The following SLC25A34 variants were observed in gnomAD, a reference collection of about 807,000 sequenced individuals.
SLC25A34 encodes solute carrier family 25 member 34.
A neutral mutation model predicts 28.1 loss-of-function variants in SLC25A34; 26 were observed. The observed-to-expected ratio is 0.93, with a 90% CI of 0.68 to 1.28. The LOEUF is 1.28. Ranked by LOEUF, SLC25A34 falls within the 50% of genes most tolerant of loss-of-function variation. The pLI is 0.00. For missense variants in SLC25A34, 384 were observed against 409.8 expected (o/e 0.94, Z 0.54); for synonymous variants, 182 against 182.2 (o/e 1.00, Z 0.01).
rs971245056 is a variant in SLC25A34 at position 15,739,493 on chromosome 1, C to T, written c.*87C>T. On this transcript the variant is annotated 3_prime_UTR_variant, in exon 5 of 5. Transcript: ENST00000294454. ...TCCAGGACAACTGGCTGTCCCGGGG[C>T]GGGCCATGGGCCCAGGCCCTGCCAG... 1.2e-5 allele frequency: 18 copies of T among 1,442,680 alleles called. No homozygotes were observed. Among genetic ancestry groups the T allele is most frequent in the Middle Eastern group, 2.6e-4 (1 of 3,850 alleles). The allele number at this position is 1,442,680 out of a possible 1,614,324, so 89.4% of individuals were successfully genotyped here.
rs1159302226 is a variant in SLC25A34, at chr1:15,736,505, C to G, written c.20C>G (p.Ala7Gly). The change falls in exon 1 of 5, where the codon GCA becomes GGA. Residue 7 changes from alanine to glycine, a missense_variant. Physicochemically the swap from Ala to Gly is moderately conservative, Grantham distance 60. Transcript: ENST00000294454. ...GAGGCCATGGAGACGGTGCCCCCAG[C>G]AGTGGACCTGGTGCTGGGTGCTTCT... Reference protein sequence around the residue: METVPPAVDLVLGASAC... With the variant: METVPPGVDLVLGASAC... 4 of 1,454,304 alleles carry G rather than the reference C, an allele frequency of 2.8e-6. No homozygotes were observed. Among genetic ancestry groups the G allele is most frequent in the Non-Finnish European group, 3.6e-6 (4 of 1,104,594 alleles). The allele number at this position is 1,454,304 out of a possible 1,614,324, so 90.1% of individuals were successfully genotyped here.
At chr1:15,737,736 C>T (rs2148389217) in intron 1 of SLC25A34, 193 bp from the exon 2 acceptor site, 2 of 607,936 alleles carry the variant, frequency 3.3e-6, no homozygotes, top group South Asian at 4.0e-5. Flanking sequence ...CTCCAAGTCA[C>T]ACTGAGACGC....
At chr1:15,737,592 G>A (rs867503224) in intron 1 of SLC25A34, among the ~76,000 whole-genome samples, 72 of 149,356 alleles carry the variant, frequency 4.8e-4, no homozygotes, top group African/African-American at 1.7e-3. Context: ...AGGAAAGAAA[G>A]AAAAAAAAAG....
chr1:15,736,989 C>T, intron 1 of SLC25A34, 126 bp downstream of exon 1: 1 of 1,271,066 alleles, frequency 7.9e-7, no homozygotes. Context: ...GGTGGGGCTG[C>T]TCCCTGGAAC....
At position 15,740,543 on chromosome 1, in the gene SLC25A34, GC is replaced by G. The variant is rs1443542450; in HGVS notation, c.*1138del. 6.6e-6 allele frequency: 1 copy of G among 152,324 alleles called. No individual in the cohort carries two copies. Among genetic ancestry groups the G allele is most frequent in the Non-Finnish European group, 1.5e-5 (1 of 68,158 alleles). The allele number at this position is 152,324 out of a possible 1,614,324, so 9.4% of individuals were successfully genotyped here. A position where few individuals can be genotyped will look rare whatever the true frequency, so the allele number is the denominator to read the frequency against. On this transcript the variant is annotated 3_prime_UTR_variant, in exon 5 of 5. Coordinates refer to ENST00000294454, the MANE Select transcript of SLC25A34 (RefSeq NM_207348.3). ...TCCACTGGCCTTGGCCTCCCAAAGT[GC>G]TGGGATTACAGGCATGAGCCACCTC...
intron 4 of SLC25A34, 111 bp downstream of exon 4, chr1:15,738,839 G>C (rs1044508957): frequency 1.5e-6 from 2 of 1,327,096 alleles, no homozygotes; most frequent in Non-Finnish European, 9.8e-7. Flanking sequence ...CACAGCCAGA[G>C]ACACGCAGAC....
intron 1 of SLC25A34, 129 bp downstream of exon 1, chr1:15,736,992 C>G: frequency 8.0e-7 from 1 of 1,250,618 alleles, no homozygotes; most frequent in Non-Finnish European, 1.1e-6. Flanking sequence ...GGGGCTGCTC[C>G]CTGGAACATC....
At chr1:15,738,795 C>G in intron 4 of SLC25A34, 67 bp downstream of exon 4, 1 of 1,447,706 alleles carries the variant, frequency 6.9e-7, no homozygotes, top group Non-Finnish European at 9.1e-7. Context: ...CACACACACA[C>G]ACACACACTC....
At position 15,739,248 on chromosome 1, in the gene SLC25A34, G is replaced by A. The variant is rs534115268; in HGVS notation, c.757G>A (p.Asp253Asn). 28 of 1,612,448 alleles carry A rather than the reference G, an allele frequency of 1.7e-5. No homozygotes were observed. In the South Asian group the frequency reaches 1.8e-4, roughly 10 times the overall value. The change falls in exon 5 of 5, where the codon GAC becomes AAC. Residue 253 changes from aspartate (D) to asparagine (N), a missense_variant. Coordinates refer to ENST00000294454, the MANE Select transcript of SLC25A34 (RefSeq NM_207348.3). ...GGGCCAGCTCTATGGGGGCCTCACC[G>A]ACTGCATGGTGAAGATCTGGCGGCA... ...GRGQLYGGLT[D>N]CMVKIWRQEG...
At chr1:15,738,925 T>A in intron 4 of SLC25A34, 197 bp downstream of exon 4, 1 of 673,638 alleles carries the variant, frequency 1.5e-6, no homozygotes, top group East Asian at 3.2e-5. Context: ...CTAAGCACTT[T>A]CACATCTGGA....
In SLC25A34 at chr1:15,736,448, C is replaced by T; in HGVS notation, c.-38C>T. The T allele has an allele frequency of 2.8e-6, 4 of 1,417,616 alleles. No homozygotes were observed. Among genetic ancestry groups the T allele is most frequent in the Middle Eastern group, 2.6e-4 (1 of 3,808 alleles). 87.8% of individuals were successfully genotyped at this position (1,417,616 alleles called of 1,614,324 possible). On this transcript the variant is annotated 5_prime_UTR_variant, in exon 1 of 5. Coordinates refer to ENST00000294454, the MANE Select transcript of SLC25A34 (RefSeq NM_207348.3). ...CACCACCACAGGGCCTGTGCCGTGC[C>T]CCTGACCCGGGCACAGAAGGCCACT...
In SLC25A34 at chr1:15,740,347, G is replaced by A. The variant is rs551073786; in HGVS notation, c.*941G>A. On this transcript the variant is annotated 3_prime_UTR_variant, in exon 5 of 5. Transcript: ENST00000294454. ...AGCTGGAGTGCAGTGGCACGATCTC[G>A]GTTCACTGCAACCTTGGCCTCCTAG... is the stretch of plus-strand genomic sequence containing the variant. 2.0e-5 allele frequency: 3 copies of A among 151,274 alleles called. No individual in the cohort carries two copies. The highest frequency in any genetic ancestry group is 3.9e-4 in the East Asian group (2 of 5,160). 9.4% of individuals were successfully genotyped at this position (151,274 alleles called of 1,614,324 possible).
At position 15,736,812 on chromosome 1, in the gene SLC25A34, G is replaced by A. The variant is rs928095453; in HGVS notation, c.327G>A (p.Ala109=). ...AGCAACCAGGTGGCACCGTGGTTGC[G>A]GGAGCCGTGGCGGGGGCACTGGGAG... The part of the protein sequence containing the change: ...LTQQPGGTVV[A]GAVAGALGAF... The change falls in exon 1 of 5, where the codon GCG becomes GCA. Residue 109 remains alanine, a synonymous_variant. Transcript: ENST00000294454. 8.8e-6 allele frequency: 14 copies of A among 1,596,284 alleles called. No individual in the cohort carries two copies. The highest frequency in any genetic ancestry group is 1.0e-5 in the Non-Finnish European group (12 of 1,174,820).
intron 1 of SLC25A34, among the ~76,000 whole-genome samples, chr1:15,737,082 T>C (rs2068232456): frequency 6.6e-6 from 1 of 152,154 alleles, no homozygotes; most frequent in Non-Finnish European, 1.5e-5. Context: ...GCCCCACTGG[T>C]CCTGAGCCAG....
At chr1:15,739,074 TC>T in intron 4 of SLC25A34, 149 bp from the exon 5 acceptor site, 1 of 1,021,986 alleles carries the variant, frequency 9.8e-7, no homozygotes, top group South Asian at 1.8e-5. Flanking sequence ...CCCACAGCCT[TC>T]CCATGGCGCC....
rs185983180 is a variant in SLC25A34 at position 15,736,428 on chromosome 1, C to T, written c.-58C>T. ...GTTACAGACAGCCTAAACGCCACCA[C>T]CACAGGGCCTGTGCCGTGCCCCTGA... On this transcript the variant is annotated 5_prime_UTR_variant, in exon 1 of 5. Coordinates refer to ENST00000294454, the MANE Select transcript of SLC25A34 (RefSeq NM_207348.3). 5.3e-4 allele frequency: 736 copies of T among 1,388,246 alleles called. 4 individuals are homozygous for T. Among genetic ancestry groups the T allele is most frequent in the East Asian group, 2.9e-3 (104 of 35,380 alleles). 86.0% of individuals were successfully genotyped at this position (1,388,246 alleles called of 1,614,324 possible). A position where few individuals can be genotyped will look rare whatever the true frequency, so the allele number is the denominator to read the frequency against.
At position 15,738,253 on chromosome 1, in the gene SLC25A34, G is replaced by A. The variant is rs1034082993; in HGVS notation, c.597+8G>A. The A allele has an allele frequency of 6.3e-7, 1 of 1,591,650 alleles. No individual in the cohort carries two copies. The highest frequency in any genetic ancestry group is 1.3e-5 in the African/African-American group (1 of 74,388). ...TGGGTACAGAAGCAACAGGTGAGGA[G>A]CTGGGGACACCTGTGCCTATCCACA... On this transcript the variant is annotated splice_region_variant and intron_variant, in intron 3 of 4. Coordinates refer to ENST00000294454, the MANE Select transcript of SLC25A34 (RefSeq NM_207348.3).
rs59770242 is a variant in SLC25A34, at chr1:15,736,303, AC to A, written c.-181del. 0.024 allele frequency: 11,961 copies of A among 508,438 alleles called. 1,136 individuals are homozygous for A. Among genetic ancestry groups the A allele is most frequent in the African/African-American group, 0.21 (10,383 of 50,384 alleles). 31.5% of individuals were successfully genotyped at this position (508,438 alleles called of 1,614,324 possible). On this transcript the variant is annotated 5_prime_UTR_variant, in exon 1 of 5. Transcript: ENST00000294454. ...CAGAGCAGGTGGACTGCTGAGATAG[AC>A]CAGGGACACCAGGCAGCCACAGGCC...
intron 4 of SLC25A34, 31 bp downstream of exon 4, chr1:15,738,759 GGGGAGCT>G (rs766292275): frequency 6.7e-7 from 1 of 1,498,156 alleles, no homozygotes; most frequent in Admixed American, 2.2e-5. Context: ...GGGAGACCGT[GGGGAGCT>G]GGGAGCACCC....
Sources: gnomAD v4.1 joint callset for allele counts (sites outside exome capture counted in the v4.1 genomes callset) on GRCh38, gnomAD v4.1.1 for gene constraint, MANE v1.5 for transcripts, NCBI Gene and HGNC (gene_info 2026-07-23, HGNC 2026-07-21) for gene names.